The following MSLN variants were observed in gnomAD, a reference collection of about 807,000 sequenced individuals.
The protein encoded by MSLN is CAK1 antigen.
MSLN carries 82 observed loss-of-function variants against 72.6 expected under a neutral mutation model. The observed-to-expected ratio is 1.13, with a 90% CI of 0.94 to 1.36. MSLN has a LOEUF of 1.36. Among genes scored for constraint, MSLN ranks in the 40% most tolerant of loss-of-function variants. The pLI, the probability that MSLN is intolerant of heterozygous loss-of-function variation, is 0.00. For missense variants in MSLN, 1,005 were observed against 847.9 expected (o/e 1.19, Z -2.30); for synonymous variants, 456 against 387.3 (o/e 1.18, Z -2.08).
chr16:767,389 G>A lies in MSLN; in HGVS notation c.1515G>A (p.Thr505=), dbSNP rs774977447. The change falls in exon 16 of 18, where the codon ACG becomes ACA. Residue 505 remains threonine, a synonymous_variant. Coordinates refer to ENST00000545450, the MANE Select transcript of MSLN (RefSeq NM_005823.6). The part of the protein sequence containing the change: ...KIQSFLGGAP[T]EDLKALSQQN... ...CCCGGCGGGCAGGTGGGGCCCCCACGGAGGATTTGAAGGCGCTCAGTCAGC... is the reference window on the plus strand; with the variant it reads ...CCCGGCGGGCAGGTGGGGCCCCCACAGAGGATTTGAAGGCGCTCAGTCAGC... 15 of 1,610,608 alleles carry A rather than the reference G, an allele frequency of 9.3e-6. No individual in the cohort carries two copies. Among genetic ancestry groups the A allele is most frequent in the Middle Eastern group, 1.7e-4 (1 of 6,056 alleles).
Position 766,803 on chromosome 16 carries a change from A to G in MSLN, c.1366A>G (p.Ser456Gly), listed in dbSNP as rs746594852. Residue 456 changes from serine (S) to glycine (G), a missense_variant, in exon 14 of 18, where the codon AGC becomes GGC. Coordinates refer to ENST00000545450, the MANE Select transcript of MSLN (RefSeq NM_005823.6). ...GGAGCTGAGCTCCGTGCCCCCCAGC[A>G]GCATCTGGTGAGTCCCCAGAACTCT... ...PEELSSVPPS[S>G]IWAVRPQDLD... 1 of 1,612,470 alleles carries G rather than the reference A, an allele frequency of 6.2e-7. No homozygotes were observed. The highest frequency in any genetic ancestry group is 8.5e-7 in the Non-Finnish European group (1 of 1,179,860).
At chr16:762,503 C>T in intron 2 of MSLN, 169 bp from the exon 3 acceptor site, 2 of 617,956 alleles carry the variant, frequency 3.2e-6, no homozygotes, top group South Asian at 1.8e-5. Context: ...GTCCAGGGGA[C>T]AGAGGGCTCA....
Position 766,064 on chromosome 16 carries a change from G to A in MSLN, c.901G>A (p.Ala301Thr). The change falls in exon 12 of 18, where the codon GCC becomes ACC. Residue 301 changes from alanine (A) to threonine (T), a missense_variant. Ala to Thr is a moderately conservative substitution (Grantham distance 58). Coordinates refer to ENST00000545450, the MANE Select transcript of MSLN (RefSeq NM_005823.6). Reference sequence around the variant, plus strand: ...CTGACCCCTGTGCCCTGCAGAGACAGCCTGTCCTTCAGGCAAGAAGGCCCG... The same window carrying A: ...CTGACCCCTGTGCCCTGCAGAGACAACCTGTCCTTCAGGCAAGAAGGCCCG... ...PRFRREVEKT[A>T]CPSGKKAREI... The A allele has an allele frequency of 6.2e-7, 1 of 1,609,222 alleles. No homozygotes were observed. The highest frequency in any genetic ancestry group is 8.5e-7 in the Non-Finnish European group (1 of 1,177,956).
chr16:764,342 G>A (rs963382018), intron 6 of MSLN, among the ~76,000 whole-genome samples, 199 bp downstream of exon 6: 1 of 152,222 alleles, frequency 6.6e-6, no homozygotes, highest in African/African-American at 2.4e-5. Flanking sequence ...GGCTCCCCAG[G>A]AGCAAGTCTG....
At chr16:763,345 C>A in intron 4 of MSLN, 69 bp downstream of exon 4, 1 of 1,292,610 alleles carries the variant, frequency 7.7e-7, no homozygotes, top group South Asian at 1.3e-5. Flanking sequence ...GCTGTGTTCT[C>A]TCTGTCACGT....
chr16:763,773 C>CCTG (rs1447078119), intron 5 of MSLN, 82 bp downstream of exon 5: 7 of 986,254 alleles, frequency 7.1e-6, no homozygotes, highest in Non-Finnish European at 8.6e-6. Context: ...ACCCCATCCC[C>CCTG]CAGCATCCCC....
intron 3 of MSLN, 31 bp from the exon 4 acceptor site, chr16:763,202 C>T: frequency 2.0e-6 from 3 of 1,489,276 alleles, no homozygotes; most frequent in Middle Eastern, 1.8e-4. Flanking sequence ...GGCCCGCCCC[C>T]TCCCCCAAGC....
chr16:766,306 A>G lies in MSLN; in HGVS notation c.1075-29A>G, dbSNP rs374854584. The G allele has an allele frequency of 4.3e-5, 69 of 1,611,758 alleles. No individual in the cohort carries two copies. The African/African-American group carries it at 8.4e-4, about 20-fold the overall frequency. Reference sequence around the variant, plus strand: ...CATCCCCAGCCCCTCTGGGAGTGACATGGGCCCTCCTGGTCTCTTGGCCTG... The same window carrying G: ...CATCCCCAGCCCCTCTGGGAGTGACGTGGGCCCTCCTGGTCTCTTGGCCTG... On this transcript the variant is annotated intron_variant, in intron 12 of 17. Coordinates refer to ENST00000545450, the MANE Select transcript of MSLN (RefSeq NM_005823.6).
chr16:763,438 G>A (rs1470475010), intron 4 of MSLN, among the ~76,000 whole-genome samples, 162 bp downstream of exon 4: 3 of 152,166 alleles, frequency 2.0e-5, no homozygotes, highest in African/African-American at 7.2e-5. Flanking sequence ...GGAGCAGCCA[G>A]GTCCAGGGAG....
At chr16:762,913 G>T in intron 3 of MSLN, 148 bp downstream of exon 3, 1 of 654,602 alleles carries the variant, frequency 1.5e-6, no homozygotes, top group Non-Finnish European at 2.6e-6. Context: ...CCCCAGAGGT[G>T]ACTGGAGCTG....
Position 765,712 on chromosome 16 carries a change from C to T in MSLN, c.817C>T (p.Gln273Ter). 1 of 1,601,006 alleles carries T rather than the reference C, an allele frequency of 6.2e-7. No individual in the cohort carries two copies. Among genetic ancestry groups the T allele is most frequent in the African/African-American group, 1.3e-5 (1 of 75,038 alleles). Residue 273 changes from glutamine to a stop codon, truncating the protein, a stop_gained, in exon 11 of 18, where the codon CAA (glutamine) becomes TAA (stop). Coordinates refer to ENST00000545450, the MANE Select transcript of MSLN (RefSeq NM_005823.6). LOFTEE classifies it high-confidence loss of function. ...IPQGIVAAWR[Q>*]RSSRDPSWRQ... ...TCAGGGCATCGTGGCCGCGTGGCGG[C>T]AACGCTCCTCTCGGGACCCATCCTG... is the stretch of plus-strand genomic sequence containing the variant.
chr16:764,499 A>G, intron 6 of MSLN, 148 bp from the exon 7 acceptor site: 1 of 791,340 alleles, frequency 1.3e-6, no homozygotes, highest in Non-Finnish European at 2.2e-6. Context: ...CCCCCAGGGC[A>G]GCGCTGCAGG....
Position 764,007 on chromosome 16 carries a change from C to T in MSLN, c.180-16C>T. On this transcript the variant is annotated splice_polypyrimidine_tract_variant and intron_variant, in intron 5 of 17. Transcript: ENST00000545450. ...GGAGGGGCGATCGTGGGTGCCCAGCCCGACCCTTCCTGCAGCCTCTCCCCT... is the reference window on the plus strand; with the variant it reads ...GGAGGGGCGATCGTGGGTGCCCAGCTCGACCCTTCCTGCAGCCTCTCCCCT... 1 of 1,596,278 alleles carries T rather than the reference C, an allele frequency of 6.3e-7. No individual in the cohort carries two copies. Among genetic ancestry groups the T allele is most frequent in the Non-Finnish European group, 8.5e-7 (1 of 1,178,788 alleles).
Position 764,105 on chromosome 16 carries a change from G to A in MSLN, c.262G>A (p.Ala88Thr). 6.2e-7 allele frequency: 1 copy of A among 1,606,408 alleles called. No individual in the cohort carries two copies. The stretch of plus-strand genomic sequence containing the variant: ...GGAGCGTGTCCGGGAGCTGGCTGTG[G>A]CCTTGGCACAGAAGAATGTCAAGCT... ...STERVRELAV[A>T]LAQKNVKLST... The change falls in exon 6 of 18, where the codon GCC (alanine) becomes ACC (threonine). Residue 88 changes from alanine to threonine, a missense_variant. Physicochemically the swap from Ala to Thr is moderately conservative, Grantham distance 58. Coordinates refer to ENST00000545450, the MANE Select transcript of MSLN (RefSeq NM_005823.6).
At position 766,053 on chromosome 16, in the gene MSLN, C is replaced by G; in HGVS notation, c.896-6C>G. ...GGCCCTGACCCCTGACCCCTGTGCC[C>G]TGCAGAGACAGCCTGTCCTTCAGGC... On this transcript the variant is annotated splice_polypyrimidine_tract_variant and splice_region_variant and intron_variant, in intron 11 of 17. Coordinates refer to ENST00000545450, the MANE Select transcript of MSLN (RefSeq NM_005823.6). The G allele has an allele frequency of 1.2e-6, 2 of 1,605,424 alleles. No homozygotes were observed.
chr16:765,080 C>T (rs760358533), intron 8 of MSLN, 30 bp from the exon 9 acceptor site: 13 of 1,606,700 alleles, frequency 8.1e-6, no homozygotes, highest in Non-Finnish European at 9.3e-6. Context: ...CTCGGCAGTT[C>T]CAAAAGCGCT....
At chr16:767,047 A>G (rs1192977206) in intron 15 of MSLN, 35 bp downstream of exon 15, 4 of 1,611,354 alleles carry the variant, frequency 2.5e-6, no homozygotes, top group South Asian at 1.1e-5. Flanking sequence ...GGTGGGCAAC[A>G]CAACGGGGGA....
chr16:762,680 C>A lies in MSLN; in HGVS notation c.-1C>A. 6.2e-7 allele frequency: 1 copy of A among 1,611,696 alleles called. No individual in the cohort carries two copies. Among genetic ancestry groups the A allele is most frequent in the Non-Finnish European group, 8.5e-7 (1 of 1,179,154 alleles). On this transcript the variant is annotated 5_prime_UTR_variant, in exon 3 of 18. Transcript: ENST00000545450. Reference sequence around the variant, plus strand: ...GTCACTGCCCTCCACAGACACAGACCATGGCCTTGCCAACGGCTCGACCCC... The same window carrying A: ...GTCACTGCCCTCCACAGACACAGACAATGGCCTTGCCAACGGCTCGACCCC...
intron 15 of MSLN, 29 bp downstream of exon 15, chr16:767,041 G>A (rs749465341): frequency 8.1e-6 from 13 of 1,611,760 alleles, no homozygotes; most frequent in African/African-American, 1.3e-5. Context: ...GGCCAGGGTG[G>A]GCAACACAAC....
Sources: gnomAD v4.1 joint callset for allele counts (sites outside exome capture counted in the v4.1 genomes callset) on GRCh38, gnomAD v4.1.1 for gene constraint, MANE v1.5 for transcripts, NCBI Gene and HGNC (gene_info 2026-07-23, HGNC 2026-07-21) for gene names.